The following MYO16 variants were observed in gnomAD, a reference collection of about 807,000 sequenced individuals.
The protein encoded by MYO16 is unconventional myosin-XVI.
In MYO16, 94 loss-of-function variants were observed where a neutral mutation model predicts 205.3. The ratio of observed to expected loss-of-function variants is 0.46; its 90% CI spans 0.39 to 0.54. The LOEUF (loss-of-function observed/expected upper bound fraction) is 0.54. Ranked by LOEUF, MYO16 falls within the 20% of genes least tolerant of loss-of-function variation. The probability of loss-of-function intolerance (pLI) is 0.00; values close to 1 mark genes in which losing one functional copy is unlikely to be tolerated. For synonymous variants in MYO16, 988 were observed against 954.0 expected, an observed-to-expected ratio of 1.04 and a Z score of -0.66; for missense variants, 2,315 against 2,387.5, an observed-to-expected ratio of 0.97 and a Z score of 0.63.
chr13:108,902,065 A>G (rs1180949220), intron 15 of MYO16, among the ~76,000 whole-genome samples: 1 of 152,240 alleles, frequency 6.6e-6, no homozygotes, highest in African/African-American at 2.4e-5. Context: ...CTCAAGAGAA[A>G]TAGGACAAAT....
intron 9 of MYO16, among the ~76,000 whole-genome samples, chr13:108,823,692 C>CT (rs5806757): frequency 0.89 from 134,800 of 152,080 alleles, 61,997 homozygotes; most frequent in East Asian, 1. Flanking sequence ...CTAAAAATAA[C>CT]TTCCTGTTGC....
At chr13:108,625,526 A>T (rs992529), upstream of MYO16, among the ~76,000 whole-genome samples, 83,571 of 152,004 alleles carry the variant, frequency 0.55, 25,218 homozygotes, top group Non-Finnish European at 0.68. Context: ...TTCCCAGGAG[A>T]GGTCTTGACT....
chr13:108,600,185 G>A (rs563505127), intron 1 of MYO16, among the ~76,000 whole-genome samples: 63 of 152,256 alleles, frequency 4.1e-4, no homozygotes, highest in Non-Finnish European at 7.2e-4. Flanking sequence ...AGAGTGTAAG[G>A]GTAGGGGGAA....
chr13:108,650,020 C>T (rs1375962355), intron 1 of MYO16, among the ~76,000 whole-genome samples: 1 of 152,084 alleles, frequency 6.6e-6, no homozygotes, highest in African/African-American at 2.4e-5. Context: ...ATAAAACAGG[C>T]ATTGTAAAGC....
Position 109,074,390 on chromosome 13 carries a change from T to C in MYO16, c.3335+18795T>C, listed in dbSNP as rs1017239439. Among the ~76,000 whole-genome samples the C allele has an allele frequency of 9.2e-5, 14 of 152,192 alleles. 1 individual carries two copies. The highest frequency in any genetic ancestry group is 7.2e-4 in the Admixed American group (11 of 15,262). On this transcript the variant is annotated intron_variant, in intron 27 of 34. Coordinates refer to ENST00000457511, the MANE Select transcript of MYO16 (RefSeq NM_001198950.3). Reference sequence around the variant, plus strand: ...CAATTTGTAAAGAAAGTAAGTTTAATTGACTCTCAGTTCTGCATGGCTTGG... The same window carrying C: ...CAATTTGTAAAGAAAGTAAGTTTAACTGACTCTCAGTTCTGCATGGCTTGG...
rs373440002 is a variant in MYO16, at chr13:108,665,951, T to G, written c.94T>G (p.Ser32Ala). 4 of 1,614,036 alleles carry G rather than the reference T, an allele frequency of 2.5e-6. No homozygotes were observed. In the African/African-American group the frequency reaches 5.3e-5, roughly 22 times the overall value. The change falls in exon 2 of 35, where the codon TCC (serine) becomes GCC (alanine). Residue 32 changes from serine to alanine, a missense_variant. Ser to Ala is a moderately conservative substitution (Grantham distance 99). This residue lies in a region of MYO16 where 1,213 missense variants were observed against 1,274.4 expected (regional missense o/e 0.95). Coordinates refer to ENST00000457511, the MANE Select transcript of MYO16 (RefSeq NM_001198950.3). The stretch of plus-strand genomic sequence containing the variant: ...GGAAATCGACCAGTGCTTGCTAGAG[T>G]CCCTTCCCCTTGGCCAACGGCAGCG... ...EMEIDQCLLESLPLGQRQRLV... is the reference protein window; with the variant it reads ...EMEIDQCLLEALPLGQRQRLV...
intron 28 of MYO16, among the ~76,000 whole-genome samples, chr13:109,105,339 G>A (rs558341667): frequency 7.2e-5 from 11 of 152,320 alleles, no homozygotes; most frequent in South Asian, 2.1e-4. Context: ...AGGGATGGTC[G>A]TGGGCGCCTG....
At chr13:108,976,360 C>T (rs1255862050) in intron 20 of MYO16, among the ~76,000 whole-genome samples, 1 of 152,010 alleles carries the variant, frequency 6.6e-6, no homozygotes, top group African/African-American at 2.4e-5. Flanking sequence ...TTAACAGGGA[C>T]AAAAACTGGG....
chr13:108,543,095 C>A, the MYO16 span, among the ~76,000 whole-genome samples: 4 of 151,800 alleles, frequency 2.6e-5, no homozygotes, highest in African/African-American at 9.7e-5. Context: ...TTTTCAATAT[C>A]AAATATAACA....
At chr13:109,003,665 A>G (rs923467954) in intron 21 of MYO16, among the ~76,000 whole-genome samples, 13 of 152,206 alleles carry the variant, frequency 8.5e-5, no homozygotes, top group South Asian at 2.1e-4. Flanking sequence ...CACTGCTTTG[A>G]TTAAACCAGG....
At chr13:108,667,023 T>C (rs1881762502) in intron 2 of MYO16, among the ~76,000 whole-genome samples, 1 of 152,220 alleles carries the variant, frequency 6.6e-6, no homozygotes, top group Non-Finnish European at 1.5e-5. Flanking sequence ...AATTCATTAC[T>C]CACAATTTGG....
At chr13:108,971,618 C>T (rs2139390326) in intron 20 of MYO16, among the ~76,000 whole-genome samples, 1 of 151,564 alleles carries the variant, frequency 6.6e-6, no homozygotes, top group South Asian at 2.1e-4. Flanking sequence ...AGTTGAGTTT[C>T]TAACATATAT....
chr13:108,541,680 A>T, the MYO16 span, among the ~76,000 whole-genome samples: 1 of 152,262 alleles, frequency 6.6e-6, no homozygotes, highest in East Asian at 1.9e-4. Context: ...TCAAAAGAAG[A>T]CCTACATGTG....
intron 2 of MYO16, among the ~76,000 whole-genome samples, chr13:108,678,966 A>G (rs896051600): frequency 1.3e-5 from 2 of 152,076 alleles, no homozygotes; most frequent in Non-Finnish European, 2.9e-5. Flanking sequence ...CTTACTAGGT[A>G]CTCACAGGGT....
At chr13:109,085,258 G>T (rs1888403571) in intron 27 of MYO16, among the ~76,000 whole-genome samples, 1 of 152,182 alleles carries the variant, frequency 6.6e-6, no homozygotes, top group Admixed American at 6.5e-5. Context: ...TAACTAGATA[G>T]GGCATGAGAG....
chr13:108,572,299 G>C, the MYO16 span, among the ~76,000 whole-genome samples: 8 of 152,096 alleles, frequency 5.3e-5, no homozygotes, highest in East Asian at 3.9e-4. Flanking sequence ...TTTTACTAAG[G>C]CCTATTGTCT....
the MYO16 span, among the ~76,000 whole-genome samples, chr13:108,529,245 C>A: frequency 6.6e-6 from 1 of 152,090 alleles, no homozygotes. Flanking sequence ...TCTGCTGGAG[C>A]ATGAGGATCA....
chr13:109,015,173 G>C (rs1885761349), intron 22 of MYO16, among the ~76,000 whole-genome samples: 1 of 152,108 alleles, frequency 6.6e-6, no homozygotes, highest in South Asian at 2.1e-4. Flanking sequence ...TAGCATGAAG[G>C]GCTGTTGAAT....
At chr13:108,995,938 G>T (rs1267716387) in intron 21 of MYO16, among the ~76,000 whole-genome samples, 1 of 152,204 alleles carries the variant, frequency 6.6e-6, no homozygotes, top group Non-Finnish European at 1.5e-5. Flanking sequence ...AGCAACAGGT[G>T]CTGGAGAGGA....
Sources: allele counts gnomAD v4.1 joint callset (sites outside exome capture counted in the v4.1 genomes callset), GRCh38; gene constraint gnomAD v4.1.1; regional missense constraint gnomAD v4.1.1; transcripts MANE v1.5; gene names NCBI Gene and HGNC (gene_info 2026-07-23, HGNC 2026-07-21).